The following MERTK variants were observed in gnomAD, a reference collection of about 807,000 sequenced individuals.
MERTK encodes MER proto-oncogene, tyrosine kinase.
Under a neutral mutation model 99.3 loss-of-function variants are expected in MERTK, and 69 were observed. The ratio of observed to expected loss-of-function variants is 0.70; its 90% CI spans 0.57 to 0.85. MERTK has a LOEUF of 0.85. MERTK is among the 40% of genes least tolerant of loss of function. The pLI is 0.00. For missense variants in MERTK, 1,125 were observed against 1,249.4 expected (o/e 0.90, Z 1.50); for synonymous variants, 426 against 467.6 (o/e 0.91, Z 1.15).
Position 111,908,743 on chromosome 2 carries a change from C to T in MERTK, c.61+9947C>T, listed in dbSNP as rs538786986. 2.4e-3 allele frequency among the ~76,000 whole-genome samples: 371 copies of T among 152,302 alleles called. 2 individuals carry two copies. In the South Asian group the frequency reaches 0.032, roughly 13 times the overall value. On this transcript the variant is annotated intron_variant, in intron 1 of 18. Transcript: ENST00000295408. ...CTCCATGATAAAGTCAATGACCTGGCTCTTGGCTCTGACATCTATAGTGTA... is the reference window on the plus strand; with the variant it reads ...CTCCATGATAAAGTCAATGACCTGGTTCTTGGCTCTGACATCTATAGTGTA...
chr2:111,935,960 A>G (rs1378068981), intron 2 of MERTK, among the ~76,000 whole-genome samples: 1 of 152,060 alleles, frequency 6.6e-6, no homozygotes, highest in Admixed American at 6.6e-5. Context: ...TCTGTCACCC[A>G]GGCTGGAGTG....
intron 1 of MERTK, among the ~76,000 whole-genome samples, chr2:111,925,835 AT>A (rs11354849): frequency 0.52 from 75,705 of 145,598 alleles, 19,575 homozygotes; most frequent in Middle Eastern, 0.57. Flanking sequence ...ATTTTTTTTA[AT>A]TTTTTTTTTT....
chr2:111,920,550 G>A (rs1684436018), intron 1 of MERTK, among the ~76,000 whole-genome samples: 2 of 140,420 alleles, frequency 1.4e-5, no homozygotes, highest in South Asian at 4.7e-4. Flanking sequence ...AGTGAGTTCT[G>A]ATTGAAGGTT....
intron 8 of MERTK, among the ~76,000 whole-genome samples, chr2:111,991,717 G>A (rs904120751): frequency 6.6e-5 from 10 of 151,902 alleles, no homozygotes; most frequent in South Asian, 4.2e-4. Context: ...GTGATATTAC[G>A]ATATACTGTG....
chr2:112,018,744 C>A (rs953433279), intron 15 of MERTK, among the ~76,000 whole-genome samples: 2 of 152,160 alleles, frequency 1.3e-5, no homozygotes, highest in Non-Finnish European at 2.9e-5. Flanking sequence ...GGTTTTCTAA[C>A]ACAGCAATCT....
rs1676905460 is a variant in MERTK, at chr2:112,003,159, T to C, written c.1758T>C (p.Leu586=). 3.8e-6 allele frequency: 6 copies of C among 1,598,626 alleles called. No homozygotes were observed. The highest frequency in any genetic ancestry group is 5.1e-6 in the Non-Finnish European group (6 of 1,166,288). The change falls in exon 12 of 19, where the codon CTT becomes CTC. Residue 586 remains leucine (L), a synonymous_variant. Coordinates refer to ENST00000295408, the MANE Select transcript of MERTK (RefSeq NM_006343.3). ...AAGATGTTGTGATTGACAGGAATCT[T>C]CTAATTCTTGGAAAAATTCTGGGTG... ...KLEDVVIDRN[L]LILGKILGEG... is the part of the protein sequence containing the mutation.
At chr2:112,022,543 C>T (rs373390660) in intron 18 of MERTK, 149 bp downstream of exon 18, 6 of 1,180,396 alleles carry the variant, frequency 5.1e-6, no homozygotes, top group East Asian at 2.3e-5. Flanking sequence ...ACAGACACCC[C>T]AGCCCAGGAG....
At chr2:112,003,791 C>A in intron 12 of MERTK, 113 bp from the exon 13 acceptor site, 1 of 959,418 alleles carries the variant, frequency 1.0e-6, no homozygotes, top group Non-Finnish European at 1.7e-6. Flanking sequence ...CCTGGCTGCC[C>A]GTGGGTGAGT....
chr2:112,025,386 A>C (rs1677442950), intron 18 of MERTK, among the ~76,000 whole-genome samples: 1 of 152,024 alleles, frequency 6.6e-6, no homozygotes, highest in Non-Finnish European at 1.5e-5. Flanking sequence ...TTGCCCTCAC[A>C]CTATTATTTA....
chr2:111,925,893 C>T (rs1050588080), intron 1 of MERTK, among the ~76,000 whole-genome samples: 2 of 150,648 alleles, frequency 1.3e-5, no homozygotes, highest in East Asian at 2.0e-4. Context: ...AGTACAGTGG[C>T]GCGATCTCGG....
intron 2 of MERTK, among the ~76,000 whole-genome samples, chr2:111,934,857 C>G (rs1684736799): frequency 6.6e-6 from 1 of 152,138 alleles, no homozygotes; most frequent in Admixed American, 6.6e-5. Flanking sequence ...TCAGGTCTTA[C>G]ATTTAAGGGG....
At chr2:111,904,839 G>A (rs937645837) in intron 1 of MERTK, among the ~76,000 whole-genome samples, 4 of 152,192 alleles carry the variant, frequency 2.6e-5, no homozygotes, top group African/African-American at 9.7e-5. Context: ...GGCGCCAGGT[G>A]CACTCCTGGC....
chr2:111,971,021 T>G (rs1481095600), intron 6 of MERTK, among the ~76,000 whole-genome samples: 1 of 152,204 alleles, frequency 6.6e-6, no homozygotes, highest in East Asian at 1.9e-4. Context: ...TCAGATTTTC[T>G]ATTACTTCTT....
At chr2:112,017,075 C>A (rs1349318034) in intron 15 of MERTK, among the ~76,000 whole-genome samples, 1 of 152,188 alleles carries the variant, frequency 6.6e-6, no homozygotes, top group Non-Finnish European at 1.5e-5. Flanking sequence ...AAGCGGGTTG[C>A]CACTGCTGGC....
At chr2:112,005,249 A>G (rs1676957856) in intron 13 of MERTK, among the ~76,000 whole-genome samples, 1 of 152,082 alleles carries the variant, frequency 6.6e-6, no homozygotes, top group South Asian at 2.1e-4. Flanking sequence ...TTGAATTTTT[A>G]GTAGAGAAGA....
At chr2:111,964,825 C>T (rs887529368) in intron 4 of MERTK, among the ~76,000 whole-genome samples, 4 of 152,168 alleles carry the variant, frequency 2.6e-5, no homozygotes, top group African/African-American at 9.7e-5. Flanking sequence ...CATAGTGGCC[C>T]TGTATGTACT....
chr2:111,975,584 T>C, intron 7 of MERTK, 112 bp downstream of exon 7: 2 of 1,179,804 alleles, frequency 1.7e-6, no homozygotes, highest in Non-Finnish European at 2.5e-6. Context: ...ACTTTGTCTC[T>C]GGAGGAGAAA....
Position 111,982,762 on chromosome 2 carries a change from A to G in MERTK, c.1145-80A>G, listed in dbSNP as rs1406266852. On this transcript the variant is annotated intron_variant, in intron 7 of 18. Transcript: ENST00000295408. ...GCTTTTCATAGAGCATTTGAAAACC[A>G]AACACTTGAAAACCCAGATGAGAAT... 8 of 1,530,406 alleles carry G rather than the reference A, an allele frequency of 5.2e-6. No individual in the cohort carries two copies. The Admixed American group carries it at 1.3e-4, about 26-fold the overall frequency. The allele number at this position is 1,530,406 out of a possible 1,614,324, so 94.8% of individuals were successfully genotyped here. A position where few individuals can be genotyped will look rare whatever the true frequency, so the allele number is the denominator to read the frequency against.
At chr2:112,026,202 T>G (rs1677457150) in intron 18 of MERTK, 1 of 154,308 alleles carries the variant, frequency 6.5e-6, no homozygotes, top group African/African-American at 2.4e-5. Context: ...GGTTAGACAG[T>G]ATACATGTTC....
Sources: gnomAD v4.1 joint callset for allele counts (sites outside exome capture counted in the v4.1 genomes callset) on GRCh38, gnomAD v4.1.1 for gene constraint, MANE v1.5 for transcripts, NCBI Gene and HGNC (gene_info 2026-07-23, HGNC 2026-07-21) for gene names.